Variants in ROBO2 observed in about 807,000 individuals in gnomAD.
ROBO2 encodes roundabout guidance receptor 2.
In ROBO2, 53 loss-of-function variants were observed where a neutral mutation model predicts 160.8. The ratio of observed to expected loss-of-function variants is 0.33; its 90% CI spans 0.26 to 0.41. The LOEUF is 0.41. ROBO2 is among the 10% of genes least tolerant of loss of function. The pLI, the probability that ROBO2 is intolerant of heterozygous loss-of-function variation, is 1.00. For synonymous variants in ROBO2, 664 were observed against 611.7 expected (o/e 1.09, Z -1.26); for missense variants, 1,577 against 1,722.4 (o/e 0.92, Z 1.49).
At chr3:77,518,581 A>G (rs2090268996) in intron 5 of ROBO2, among the ~76,000 whole-genome samples, 1 of 151,422 alleles carries the variant, frequency 6.6e-6, no homozygotes, top group Non-Finnish European at 1.5e-5. Context: ...AGCTGGAGAG[A>G]GCCAAGGAGG....
intron 2 of ROBO2, among the ~76,000 whole-genome samples, chr3:76,124,571 A>C (rs1029918351): frequency 1.3e-5 from 2 of 152,096 alleles, no homozygotes; most frequent in African/African-American, 4.8e-5. Flanking sequence ...TTTTCTCGAC[A>C]TCATTTTCTT....
chr3:77,318,444 A>G (rs536544630), intron 2 of ROBO2, among the ~76,000 whole-genome samples: 1 of 152,340 alleles, frequency 6.6e-6, no homozygotes, highest in African/African-American at 2.4e-5. Context: ...GCTGCAGGGA[A>G]CTGTTTTACC....
chr3:75,938,863 A>G (rs944262102), intron 2 of ROBO2, among the ~76,000 whole-genome samples: 15 of 152,192 alleles, frequency 9.9e-5, no homozygotes, highest in South Asian at 2.1e-4. Context: ...TTCAGAATTT[A>G]TATTAGCATC....
chr3:76,770,296 C>T (rs2061811460), intron 2 of ROBO2, among the ~76,000 whole-genome samples: 1 of 151,254 alleles, frequency 6.6e-6, no homozygotes, highest in African/African-American at 2.4e-5. Context: ...ATAGTCTCTC[C>T]TCTCTCCTTT....
upstream of ROBO2, among the ~76,000 whole-genome samples, chr3:77,036,278 C>T (rs1004392206): frequency 6.6e-6 from 1 of 151,928 alleles, no homozygotes; most frequent in Admixed American, 6.6e-5. Context: ...AATTCCCTGA[C>T]ACGTGGTTAG....
intron 24 of ROBO2, among the ~76,000 whole-genome samples, chr3:77,641,436 A>AC (rs2095349556): frequency 6.6e-6 from 1 of 152,204 alleles, no homozygotes; most frequent in Non-Finnish European, 1.5e-5. Context: ...GCTGACTGTT[A>AC]AGGAAGCTAT....
chr3:76,621,473 A>G (rs2089076203), intron 2 of ROBO2, among the ~76,000 whole-genome samples: 2 of 152,242 alleles, frequency 1.3e-5, no homozygotes, highest in African/African-American at 4.8e-5. Context: ...AATAGCTCTG[A>G]TGATTCCAAG....
chr3:77,141,089 T>C (rs1407454380), intron 2 of ROBO2, among the ~76,000 whole-genome samples: 1 of 152,202 alleles, frequency 6.6e-6, no homozygotes, highest in African/African-American at 2.4e-5. Flanking sequence ...AATTTAGGAT[T>C]ACAAAGAAAG....
At chr3:76,089,797 C>T (rs997497711) in intron 2 of ROBO2, among the ~76,000 whole-genome samples, 1 of 152,110 alleles carries the variant, frequency 6.6e-6, no homozygotes. Context: ...CAATTCACCA[C>T]TCTTTCCAAG....
At chr3:76,567,628 T>TATATATATATATATATATAC (rs2084620338) in intron 2 of ROBO2, among the ~76,000 whole-genome samples, 2 of 72,156 alleles carry the variant, frequency 2.8e-5, no homozygotes, top group African/African-American at 4.9e-5. Context: ...CTGATATATA[T>TATATATATATATATATATAC]ATATATATAT....
intron 2 of ROBO2, among the ~76,000 whole-genome samples, chr3:77,235,904 A>G (rs1007687351): frequency 5.9e-5 from 9 of 152,224 alleles, no homozygotes; most frequent in African/African-American, 1.9e-4. Flanking sequence ...ATTTGTTACA[A>G]CTGATGGACT....
At chr3:76,418,377 A>G (rs1317641223) in intron 2 of ROBO2, among the ~76,000 whole-genome samples, 1 of 151,848 alleles carries the variant, frequency 6.6e-6, no homozygotes, top group Non-Finnish European at 1.5e-5. Flanking sequence ...AGTAGCTGGG[A>G]CTACAGGTGA....
chr3:76,860,708 C>T (rs934056801), intron 2 of ROBO2, among the ~76,000 whole-genome samples: 1 of 152,050 alleles, frequency 6.6e-6, no homozygotes, highest in African/African-American at 2.4e-5. Flanking sequence ...TTTAACAGTC[C>T]ATCTACTGAC....
chr3:76,334,555 C>A (rs907271306), intron 2 of ROBO2, among the ~76,000 whole-genome samples: 3 of 152,052 alleles, frequency 2.0e-5, no homozygotes, highest in Admixed American at 6.6e-5. Context: ...AGCAGCTTGG[C>A]TTTTCTTTTT....
At chr3:77,349,405 T>C (rs574287075) in intron 2 of ROBO2, among the ~76,000 whole-genome samples, 1 of 152,232 alleles carries the variant, frequency 6.6e-6, no homozygotes, top group African/African-American at 2.4e-5. Context: ...AATACAATGT[T>C]GTCTGTTCTT....
intron 2 of ROBO2, among the ~76,000 whole-genome samples, chr3:76,342,287 T>C (rs72630400): frequency 0.052 from 7,919 of 152,198 alleles, 441 homozygotes; most frequent in East Asian, 0.29. Flanking sequence ...CATGATTTCA[T>C]GGATCCTCAG....
At chr3:76,595,542 T>C (rs2086682778) in intron 2 of ROBO2, among the ~76,000 whole-genome samples, 1 of 151,966 alleles carries the variant, frequency 6.6e-6, no homozygotes, top group African/African-American at 2.4e-5. Context: ...AAGCATAAAA[T>C]TATATTTTGT....
At chr3:76,928,307 C>T (rs763966586) in intron 2 of ROBO2, among the ~76,000 whole-genome samples, 1 of 152,142 alleles carries the variant, frequency 6.6e-6, no homozygotes, top group African/African-American at 2.4e-5. Flanking sequence ...GAAAGCAGCC[C>T]TACCTACCCA....
At chr3:76,069,473 G>C (rs1374281415) in intron 2 of ROBO2, among the ~76,000 whole-genome samples, 1 of 150,318 alleles carries the variant, frequency 6.7e-6, no homozygotes, top group Non-Finnish European at 1.5e-5. Flanking sequence ...TATTGCCTTA[G>C]TTTCCTATTT....
Sources: allele counts gnomAD v4.1 joint callset (sites outside exome capture counted in the v4.1 genomes callset), GRCh38; gene constraint gnomAD v4.1.1; transcripts MANE v1.5; gene names NCBI Gene and HGNC (gene_info 2026-07-23, HGNC 2026-07-21).